HLCS: variants seen among roughly 807,000 people sequenced by gnomAD.
HLCS encodes the protein biotin--protein ligase.
In HLCS, 53 loss-of-function variants were observed where a neutral mutation model predicts 75.0. The ratio of observed to expected loss-of-function variants is 0.71; its 90% CI spans 0.57 to 0.89. The LOEUF is 0.89. HLCS is among the 40% of genes least tolerant of loss of function. HLCS has a pLI of 0.00. For synonymous variants in HLCS, 431 were observed against 428.6 expected (o/e 1.01, Z -0.07); for missense variants, 966 against 1,074.0 (o/e 0.90, Z 1.41).
At chr21:36,963,701 G>A (rs899498893) in intron 1 of HLCS, among the ~76,000 whole-genome samples, 1 of 152,118 alleles carries the variant, frequency 6.6e-6, no homozygotes, top group Non-Finnish European at 1.5e-5. Flanking sequence ...GCGGGGAGCC[G>A]AGATCGTGCC....
intron 6 of HLCS, among the ~76,000 whole-genome samples, chr21:36,818,225 C>CTAGT (rs2061719593): frequency 6.6e-6 from 1 of 152,216 alleles, no homozygotes; most frequent in Non-Finnish European, 1.5e-5. Context: ...ATCTATCAGA[C>CTAGT]TAGTTAGCAC....
intron 1 of HLCS, chr21:36,975,181 C>A (rs1200431091): frequency 1.3e-5 from 2 of 152,084 alleles, no homozygotes; most frequent in Non-Finnish European, 1.5e-5. Context: ...ATCTCTTTAT[C>A]CTGATTTCTC....
At chr21:36,934,220 T>C (rs928136609) in intron 4 of HLCS, among the ~76,000 whole-genome samples, 2 of 152,130 alleles carry the variant, frequency 1.3e-5, no homozygotes, top group African/African-American at 4.8e-5. Flanking sequence ...TAAGACTTTT[T>C]AGTTGGACCG....
At chr21:36,808,105 A>G (rs2061412049) in intron 6 of HLCS, among the ~76,000 whole-genome samples, 1 of 152,040 alleles carries the variant, frequency 6.6e-6, no homozygotes, top group African/African-American at 2.4e-5. Flanking sequence ...CTTTACCAAA[A>G]GACATTTTGG....
At chr21:36,980,191 A>G (rs571660952) in intron 1 of HLCS, among the ~76,000 whole-genome samples, 13 of 130,952 alleles carry the variant, frequency 9.9e-5, no homozygotes, top group African/African-American at 3.4e-4. Context: ...GACCCTGACT[A>G]TATTTAAAAA....
Position 36,939,021 on chromosome 21 carries a change from G to A in HLCS, c.331-27C>T, listed in dbSNP as rs966265353. The A allele has an allele frequency of 2.5e-6, 4 of 1,584,978 alleles. No homozygotes were observed. The African/African-American group carries it at 4.0e-5, about 16-fold the overall frequency. On this transcript the variant is annotated intron_variant, in intron 2 of 10. Coordinates refer to ENST00000674895, the MANE Select transcript of HLCS (RefSeq NM_001352514.2). ...TGAGAAAAAGCAGGAGAGGGAGGAG[G>A]TGGGAAAAGACAGGTTGAGATTTTT...
At position 36,854,411 on chromosome 21, in the gene HLCS, T is replaced by C. The variant is rs140213052; in HGVS notation, c.1892+42449A>G. 6.6e-5 allele frequency among the ~76,000 whole-genome samples: 10 copies of C among 152,134 alleles called. No individual in the cohort carries two copies. The East Asian group carries it at 1.9e-3, about 29-fold the overall frequency. ...GAAGGACGCTTAGAGTGATGCTCAT[T>C]TAAAAAGCTCATTTTAACAGGGAAC... On this transcript the variant is annotated intron_variant, in intron 6 of 10. Coordinates refer to ENST00000674895, the MANE Select transcript of HLCS (RefSeq NM_001352514.2).
chr21:36,974,681 T>A (rs2068889850), intron 1 of HLCS: 1 of 152,166 alleles, frequency 6.6e-6, no homozygotes, highest in African/African-American at 2.4e-5. Context: ...TTATGACTGG[T>A]ATCCTTATAA....
rs901969377 is a variant in HLCS at position 36,894,164 on chromosome 21, T to C, written c.1892+2696A>G. On this transcript the variant is annotated intron_variant, in intron 6 of 10. Coordinates refer to ENST00000674895, the MANE Select transcript of HLCS (RefSeq NM_001352514.2). ...CTCTCTTCCTCCTGCTCCCATCATGTAGGACGTGCCTGCTTCCCCTTCACC... is the reference window on the plus strand; with the variant it reads ...CTCTCTTCCTCCTGCTCCCATCATGCAGGACGTGCCTGCTTCCCCTTCACC... 2.0e-5 allele frequency among the ~76,000 whole-genome samples: 3 copies of C among 152,158 alleles called. No homozygotes were observed. In the East Asian group the frequency reaches 5.8e-4, roughly 29 times the overall value.
intron 5 of HLCS, among the ~76,000 whole-genome samples, chr21:36,903,263 T>C (rs757151912): frequency 1.3e-5 from 2 of 152,122 alleles, no homozygotes; most frequent in Admixed American, 6.5e-5. Flanking sequence ...ATATACTCTA[T>C]TGGAAGAAGA....
At chr21:36,894,397 T>G (rs1158857509) in intron 6 of HLCS, among the ~76,000 whole-genome samples, 1 of 152,222 alleles carries the variant, frequency 6.6e-6, no homozygotes, top group Non-Finnish European at 1.5e-5. Flanking sequence ...TAACAGGCCA[T>G]GTATTTTGTG....
At chr21:36,891,800 T>C (rs1464251772) in intron 6 of HLCS, among the ~76,000 whole-genome samples, 3 of 152,202 alleles carry the variant, frequency 2.0e-5, no homozygotes, top group South Asian at 2.1e-4. Context: ...GAGCTCTGTG[T>C]CAGCAACCAG....
intron 6 of HLCS, among the ~76,000 whole-genome samples, chr21:36,815,809 C>T (rs58534350): frequency 0.021 from 3,223 of 152,238 alleles, 82 homozygotes; most frequent in African/African-American, 0.068. Context: ...TCAACTGAGA[C>T]TCCAGGGCAA....
chr21:36,955,311 G>A (rs935317371), intron 2 of HLCS, among the ~76,000 whole-genome samples: 9 of 152,184 alleles, frequency 5.9e-5, no homozygotes, highest in Non-Finnish European at 1.2e-4. Context: ...TAAGAAACAG[G>A]CTGGACATGG....
intron 2 of HLCS, among the ~76,000 whole-genome samples, chr21:36,960,597 C>G (rs1386983172): frequency 2.0e-5 from 3 of 152,196 alleles, no homozygotes; most frequent in African/African-American, 7.2e-5. Context: ...TTTGGTTCAC[C>G]CTGAATTCCA....
chr21:36,841,536 T>C (rs896674113), intron 6 of HLCS, among the ~76,000 whole-genome samples: 5 of 152,228 alleles, frequency 3.3e-5, no homozygotes, highest in Non-Finnish European at 7.3e-5. Context: ...AATCTGTGTG[T>C]GAAGATGGCA....
intron 6 of HLCS, among the ~76,000 whole-genome samples, chr21:36,780,818 G>A (rs1467344388): frequency 2.0e-5 from 3 of 152,072 alleles, no homozygotes; most frequent in Non-Finnish European, 2.9e-5. Context: ...GGACAGTGGC[G>A]TGTGTCTGTG....
intron 6 of HLCS, among the ~76,000 whole-genome samples, chr21:36,848,680 T>C (rs2062881479): frequency 1.3e-5 from 2 of 152,256 alleles, no homozygotes; most frequent in South Asian, 4.1e-4. Context: ...CAGAGAATTT[T>C]ATTATTGTAG....
intron 5 of HLCS, among the ~76,000 whole-genome samples, chr21:36,924,745 C>T (rs141338764): frequency 1.5e-4 from 23 of 152,202 alleles, no homozygotes; most frequent in African/African-American, 3.1e-4. Context: ...GCCACAAAGA[C>T]GAGGAATTAT....
Sources: gnomAD v4.1 joint callset for allele counts (sites outside exome capture counted in the v4.1 genomes callset) on GRCh38, gnomAD v4.1.1 for gene constraint, MANE v1.5 for transcripts, NCBI Gene and HGNC (gene_info 2026-07-23, HGNC 2026-07-21) for gene names.